The following BORCS5 variants were observed in gnomAD, a reference collection of about 807,000 sequenced individuals.
BORCS5 encodes the protein BLOC-1-related complex subunit 5.
In BORCS5, 17 loss-of-function variants were observed where a neutral mutation model predicts 22.1. That is an observed-to-expected ratio of 0.77 (90% CI 0.53 to 1.15). The LOEUF (loss-of-function observed/expected upper bound fraction) is 1.15, where lower values mean the gene tolerates loss of function less well. Ranked by LOEUF, BORCS5 falls within the 50% of genes most tolerant of loss-of-function variation. The probability of loss-of-function intolerance (pLI) is 0.00; values close to 1 mark genes in which losing one functional copy is unlikely to be tolerated. For synonymous variants in BORCS5, 117 were observed against 99.8 expected (o/e 1.17, Z -1.03); for missense variants, 247 against 253.2 (o/e 0.98, Z 0.17).
intron 2 of BORCS5, among the ~76,000 whole-genome samples, chr12:12,425,321 C>T (rs948452972): frequency 3.3e-5 from 5 of 152,312 alleles, no homozygotes; most frequent in Admixed American, 2.6e-4. Flanking sequence ...AGACAGAGTG[C>T]ACCAGTGCAA....
intron 3 of BORCS5, among the ~76,000 whole-genome samples, chr12:12,441,720 ATT>A (rs5796491): frequency 0.022 from 3,252 of 147,768 alleles, 41 homozygotes; most frequent in African/African-American, 0.034. Context: ...CAAAAAAAAA[ATT>A]TTTTTTTTTT....
chr12:12,412,981 A>G lies in BORCS5; in HGVS notation c.203-22647A>G, dbSNP rs544371368. On this transcript the variant is annotated intron_variant, in intron 2 of 3. Coordinates refer to ENST00000314565, the MANE Select transcript of BORCS5 (RefSeq NM_058169.6). ...GGGGATTTGGCAGGGTCATGGGACA[A>G]TAGTGGAGGGAAGGTCAGCAGATAA... 5.2e-3 allele frequency among the ~76,000 whole-genome samples: 738 copies of G among 140,586 alleles called. 6 individuals carry two copies. Among genetic ancestry groups the G allele is most frequent in the Non-Finnish European group, 7.9e-3 (519 of 65,556 alleles). 92.2% of individuals were successfully genotyped at this position (140,586 alleles called of 152,430 possible). A position where few individuals can be genotyped will look rare whatever the true frequency, so the allele number is the denominator to read the frequency against.
intron 2 of BORCS5, among the ~76,000 whole-genome samples, chr12:12,370,282 T>C (rs543306867): frequency 6.6e-6 from 1 of 152,202 alleles, no homozygotes; most frequent in African/African-American, 2.4e-5. Flanking sequence ...ATTTTTAGTT[T>C]AAAGGACTTC....
intron 3 of BORCS5, 181 bp downstream of exon 3, chr12:12,435,966 C>A (rs1592126107): frequency 1.8e-6 from 1 of 555,170 alleles, no homozygotes; most frequent in Non-Finnish European, 3.1e-6. Flanking sequence ...AGTTTGAATT[C>A]TGATCACCAC....
At chr12:12,452,473 G>A (rs530576674) in intron 3 of BORCS5, 1 of 490,382 alleles carries the variant, frequency 2.0e-6, no homozygotes, top group Non-Finnish European at 4.2e-6. Flanking sequence ...GATTAGGATC[G>A]CCTTGATCGT....
At chr12:12,402,012 G>T (rs965489120) in intron 2 of BORCS5, among the ~76,000 whole-genome samples, 34 of 148,434 alleles carry the variant, frequency 2.3e-4, no homozygotes, top group African/African-American at 7.1e-4. Context: ...CTTGCAGTGA[G>T]CCAAGATGGC....
At chr12:12,408,306 G>A (rs1180336101) in intron 2 of BORCS5, among the ~76,000 whole-genome samples, 2 of 152,140 alleles carry the variant, frequency 1.3e-5, no homozygotes, top group Admixed American at 6.5e-5. Context: ...GTTCTTTTGG[G>A]TGCATACCCA....
chr12:12,451,928 TTAAA>T (rs1376303252), intron 3 of BORCS5, among the ~76,000 whole-genome samples: 1 of 91,850 alleles, frequency 1.1e-5, no homozygotes, highest in Non-Finnish European at 2.1e-5. Context: ...AAAAAAAAAA[TTAAA>T]AAAAAAAAAA....
chr12:12,421,174 C>T (rs1942113254), intron 2 of BORCS5, among the ~76,000 whole-genome samples: 3 of 152,132 alleles, frequency 2.0e-5, no homozygotes. Flanking sequence ...CGGTATGATA[C>T]TGGCTGTGGG....
chr12:12,432,664 A>G (rs764908844), intron 2 of BORCS5, among the ~76,000 whole-genome samples: 12 of 152,372 alleles, frequency 7.9e-5, no homozygotes, highest in African/African-American at 2.9e-4. Flanking sequence ...ACTCTGATAC[A>G]TATATACCAT....
At chr12:12,425,246 A>G (rs1472569761) in intron 2 of BORCS5, among the ~76,000 whole-genome samples, 1 of 152,222 alleles carries the variant, frequency 6.6e-6, no homozygotes, top group Non-Finnish European at 1.5e-5. Flanking sequence ...ATAATTCATC[A>G]TCCAGGCCTT....
chr12:12,390,084 G>A (rs1453086799), intron 2 of BORCS5, among the ~76,000 whole-genome samples: 1 of 151,944 alleles, frequency 6.6e-6, no homozygotes, highest in Non-Finnish European at 1.5e-5. Flanking sequence ...TTTCCACATA[G>A]GCCTGCTAAA....
chr12:12,440,104 C>T (rs1168681866), intron 3 of BORCS5, among the ~76,000 whole-genome samples: 2 of 152,214 alleles, frequency 1.3e-5, no homozygotes, highest in African/African-American at 4.8e-5. Flanking sequence ...CCTAAGATTA[C>T]AGTACCTGTG....
intron 2 of BORCS5, among the ~76,000 whole-genome samples, chr12:12,375,805 T>TA (rs60431047): frequency 0.014 from 2,029 of 149,700 alleles, 58 homozygotes; most frequent in African/African-American, 0.048. Flanking sequence ...TCATGGTTTT[T>TA]TTTGTTTGTT....
intron 2 of BORCS5, among the ~76,000 whole-genome samples, chr12:12,383,804 G>A (rs779252538): frequency 1.3e-5 from 2 of 150,138 alleles, no homozygotes; most frequent in Non-Finnish European, 3.0e-5. Flanking sequence ...TGATCTCTTT[G>A]TATTTATCCT....
At chr12:12,460,433 C>G (rs568727216) in intron 3 of BORCS5, among the ~76,000 whole-genome samples, 11 of 152,332 alleles carry the variant, frequency 7.2e-5, no homozygotes, top group Admixed American at 1.3e-4. Context: ...ATCATGTCAT[C>G]TGCAGATAAA....
At chr12:12,464,943 G>A (rs1028684400) in intron 3 of BORCS5, among the ~76,000 whole-genome samples, 12 of 152,102 alleles carry the variant, frequency 7.9e-5, no homozygotes, top group Admixed American at 7.9e-4. Flanking sequence ...GAAGGATTGA[G>A]TGAAGAACAT....
intron 3 of BORCS5, among the ~76,000 whole-genome samples, chr12:12,441,333 G>C (rs576638351): frequency 6.6e-6 from 1 of 152,278 alleles, no homozygotes; most frequent in South Asian, 2.1e-4. Context: ...AAACTCCAGA[G>C]CCACACTGCC....
intron 3 of BORCS5, among the ~76,000 whole-genome samples, chr12:12,459,554 C>T (rs1485892547): frequency 6.6e-6 from 1 of 152,214 alleles, no homozygotes; most frequent in Non-Finnish European, 1.5e-5. Flanking sequence ...AGATGATCCA[C>T]CCGTCTCAGC....
Sources: gnomAD v4.1 joint callset for allele counts (sites outside exome capture counted in the v4.1 genomes callset) on GRCh38, gnomAD v4.1.1 for gene constraint, MANE v1.5 for transcripts, NCBI Gene and HGNC (gene_info 2026-07-23, HGNC 2026-07-21) for gene names.